Variants in RANBP2 observed in about 807,000 individuals in gnomAD.
RANBP2 encodes RAN binding protein 2.
RANBP2 carries 57 observed loss-of-function variants against 303.6 expected under a neutral mutation model. The observed-to-expected ratio is 0.19, with a 90% confidence interval of 0.15 to 0.23. The LOEUF (loss-of-function observed/expected upper bound fraction) is 0.23, where lower values mean the gene tolerates loss of function less well. RANBP2 is among the 10% of genes least tolerant of loss of function. The probability of loss-of-function intolerance (pLI) is 1.00; values close to 1 mark genes in which losing one functional copy is unlikely to be tolerated. For missense variants in RANBP2, 3,138 were observed against 3,780.8 expected (o/e 0.83, Z 4.46); for synonymous variants, 1,167 against 1,301.5 (o/e 0.90, Z 2.23).
the RANBP2 span, among the ~76,000 whole-genome samples, chr2:109,311,426 C>T: frequency 7.0e-6 from 1 of 142,952 alleles, no homozygotes; most frequent in African/African-American, 2.7e-5. Flanking sequence ...CCTTTGAAAA[C>T]TGGCACAAGA....
chr2:109,186,955 A>G, the RANBP2 span, among the ~76,000 whole-genome samples: 3 of 152,198 alleles, frequency 2.0e-5, no homozygotes, highest in African/African-American at 7.2e-5. Context: ...AGAAGCCATG[A>G]TGCTGCCTCC....
At chr2:109,614,169 G>T in the RANBP2 span, 1 of 1,179,730 alleles carries the variant, frequency 8.5e-7, no homozygotes, top group Non-Finnish European at 1.1e-6. Flanking sequence ...GGCGGGAACT[G>T]CGGAGCAGTG....
At chr2:109,164,435 C>T in the RANBP2 span, among the ~76,000 whole-genome samples, 1 of 152,192 alleles carries the variant, frequency 6.6e-6, no homozygotes, top group South Asian at 2.1e-4. Flanking sequence ...TCTCCTGCCT[C>T]AGCTTCCTGA....
chr2:109,078,718 C>T, the RANBP2 span, among the ~76,000 whole-genome samples: 141 of 149,934 alleles, frequency 9.4e-4, 7 homozygotes, highest in Non-Finnish European at 1.5e-3. Context: ...CGCGTTGGTG[C>T]GCGCCTGTAA....
intron 1 of RANBP2, among the ~76,000 whole-genome samples, chr2:108,727,474 A>C (rs1410541088): frequency 6.6e-6 from 1 of 151,966 alleles, no homozygotes; most frequent in East Asian, 1.9e-4. Flanking sequence ...GTTTCGATTG[A>C]CGGCAACCTG....
At chr2:109,312,739 T>C in the RANBP2 span, among the ~76,000 whole-genome samples, 1 of 152,240 alleles carries the variant, frequency 6.6e-6, no homozygotes. Context: ...TCCCACTGTA[T>C]GGTATTTCCA....
At chr2:109,173,377 G>A in the RANBP2 span, among the ~76,000 whole-genome samples, 37 of 152,226 alleles carry the variant, frequency 2.4e-4, no homozygotes, top group African/African-American at 7.0e-4. Context: ...GTTGTCTATC[G>A]TGTGACTGTT....
At chr2:109,646,050 G>C in the RANBP2 span, among the ~76,000 whole-genome samples, 1 of 152,304 alleles carries the variant, frequency 6.6e-6, no homozygotes, top group East Asian at 1.9e-4. Flanking sequence ...CTACCGGCTG[G>C]GGCCGGAATG....
At chr2:109,510,543 A>T in the RANBP2 span, among the ~76,000 whole-genome samples, 1 of 152,210 alleles carries the variant, frequency 6.6e-6, no homozygotes, top group Admixed American at 6.5e-5. Context: ...TGACTACCAG[A>T]CTGAAGGAAC....
At chr2:108,860,307 C>T in the RANBP2 span, among the ~76,000 whole-genome samples, 1 of 152,072 alleles carries the variant, frequency 6.6e-6, no homozygotes, top group Admixed American at 6.5e-5. Flanking sequence ...TATTTGTCTT[C>T]CTCTTTGGAT....
chr2:109,519,394 G>A, the RANBP2 span, among the ~76,000 whole-genome samples: 5 of 152,202 alleles, frequency 3.3e-5, no homozygotes, highest in Non-Finnish European at 7.3e-5. Context: ...GTGAGGACAC[G>A]ATCCAAACCA....
the RANBP2 span, among the ~76,000 whole-genome samples, chr2:108,828,354 T>G: frequency 1.3e-5 from 2 of 152,208 alleles, no homozygotes; most frequent in African/African-American, 2.4e-5. Flanking sequence ...AGAATACTAC[T>G]TATCCTAAAA....
chr2:108,857,007 G>T, the RANBP2 span: 64 of 1,147,932 alleles, frequency 5.6e-5, no homozygotes, highest in Non-Finnish European at 7.5e-5. Context: ...AAGAAAGCAG[G>T]ATGATTTTTC....
the RANBP2 span, among the ~76,000 whole-genome samples, chr2:109,170,112 G>A: frequency 6.6e-6 from 1 of 152,076 alleles, no homozygotes; most frequent in Non-Finnish European, 1.5e-5. Flanking sequence ...GTTTCCTTAG[G>A]CTATGAAGGT....
chr2:109,382,908 T>C, the RANBP2 span, among the ~76,000 whole-genome samples: 1 of 152,194 alleles, frequency 6.6e-6, no homozygotes, highest in Non-Finnish European at 1.5e-5. Flanking sequence ...TCTCATTCTA[T>C]GGATTAATGT....
chr2:109,490,533 T>A, the RANBP2 span: 3 of 1,226,820 alleles, frequency 2.4e-6, no homozygotes, highest in Non-Finnish European at 3.2e-6. Flanking sequence ...GAAGATGCAT[T>A]CCCCTCTCTC....
chr2:109,547,757 A>C, the RANBP2 span, among the ~76,000 whole-genome samples: 5 of 152,238 alleles, frequency 3.3e-5, no homozygotes, highest in Non-Finnish European at 7.3e-5. Context: ...GGATATACCA[A>C]AAGAAAACAT....
At chr2:109,097,734 AGGGT>A in the RANBP2 span, among the ~76,000 whole-genome samples, 5 of 59,136 alleles carry the variant, frequency 8.5e-5, no homozygotes, top group African/African-American at 2.8e-4. Context: ...TGATGTGCTT[AGGGT>A]GTGTGTGTGT....
At chr2:108,960,841 T>G in the RANBP2 span, among the ~76,000 whole-genome samples, 30 of 152,378 alleles carry the variant, frequency 2.0e-4, no homozygotes, top group South Asian at 5.6e-3. Flanking sequence ...GCCTCTTCAT[T>G]TGAAATATTC....
Sources: allele counts gnomAD v4.1 joint callset (sites outside exome capture counted in the v4.1 genomes callset), GRCh38; gene constraint gnomAD v4.1.1; transcripts MANE v1.5; gene names NCBI Gene and HGNC (gene_info 2026-07-23, HGNC 2026-07-21).